The following STK4 variants were observed in gnomAD, a reference collection of about 807,000 sequenced individuals.
STK4 encodes serine/threonine-protein kinase 4.
A neutral mutation model predicts 64.9 loss-of-function variants in STK4; 30 were observed. That is an observed-to-expected ratio of 0.46 (90% CI 0.35 to 0.63). STK4 has a LOEUF of 0.63. Among genes scored for constraint, STK4 ranks in the 20% least tolerant of loss-of-function variants. The pLI is 0.01. For missense variants in STK4, 466 were observed against 598.5 expected (o/e 0.78, Z 2.31); for synonymous variants, 177 against 199.0 (o/e 0.89, Z 0.93).
intron 5 of STK4, among the ~76,000 whole-genome samples, chr20:44,990,957 G>A (rs1299348204): frequency 5.3e-5 from 8 of 152,154 alleles, no homozygotes; most frequent in Non-Finnish European, 1.2e-4. Flanking sequence ...ACTGACTGAG[G>A]ATTCCATCTG....
chr20:45,036,925 A>G (rs1489515140), intron 10 of STK4, among the ~76,000 whole-genome samples: 1 of 152,192 alleles, frequency 6.6e-6, no homozygotes, highest in East Asian at 1.9e-4. Context: ...GTTGTATACA[A>G]TAAATATGTA....
chr20:44,977,342 G>C (rs1429282072), intron 2 of STK4, among the ~76,000 whole-genome samples: 1 of 152,132 alleles, frequency 6.6e-6, no homozygotes, highest in African/African-American at 2.4e-5. Flanking sequence ...TTGGCAGTTA[G>C]AGTATTGTAC....
At chr20:45,059,705 A>G (rs1394312116) in intron 10 of STK4, among the ~76,000 whole-genome samples, 1 of 152,206 alleles carries the variant, frequency 6.6e-6, no homozygotes, top group Non-Finnish European at 1.5e-5. Flanking sequence ...ACTACAGATA[A>G]GGGGGAATAT....
At position 45,000,424 on chromosome 20, in the gene STK4, A is replaced by G; in HGVS notation, c.864A>G (p.Ser288=). ...TTGTCAGGAGTGCCAAAGGAGTGTC[A>G]ATACTGCGAGACTTAATTAATGAAG... ...HPFVRSAKGV[S]ILRDLINEAM... The change falls in exon 8 of 11, where the codon TCA becomes TCG. Residue 288 remains serine, a synonymous_variant. Transcript: ENST00000372806. 6.2e-7 allele frequency: 1 copy of G among 1,614,084 alleles called. No homozygotes were observed. Among genetic ancestry groups the G allele is most frequent in the South Asian group, 1.1e-5 (1 of 91,078 alleles).
chr20:44,990,380 C>T (rs2067609581), intron 5 of STK4, among the ~76,000 whole-genome samples: 1 of 149,732 alleles, frequency 6.7e-6, no homozygotes, highest in African/African-American at 2.4e-5. Context: ...TATCTTGTGT[C>T]CTGGCACCTT....
intron 1 of STK4, chr20:44,967,063 T>C (rs1054683387): frequency 8.1e-5 from 67 of 824,302 alleles, no homozygotes; most frequent in Non-Finnish European, 9.4e-5. Context: ...TGGGGGGATC[T>C]GTGGAGGGGA....
chr20:45,011,856 CT>C (rs1472050028), intron 9 of STK4, among the ~76,000 whole-genome samples: 1 of 149,974 alleles, frequency 6.7e-6, no homozygotes, highest in Non-Finnish European at 1.5e-5. Flanking sequence ...ACAATATGAG[CT>C]CTAGTAGTCT....
chr20:45,016,139 G>C lies in STK4; in HGVS notation c.1148-8834G>C, dbSNP rs569301683. ...TGCCGAGAAGAGAGAGGGAGGCTCT[G>C]TGTGGTTTGTGTCTGTGTGTGTCTG... On this transcript the variant is annotated intron_variant, in intron 9 of 10. Transcript: ENST00000372806. 4.6e-5 allele frequency among the ~76,000 whole-genome samples: 7 copies of C among 152,314 alleles called. No homozygotes were observed. In the South Asian group the frequency reaches 1.2e-3, roughly 27 times the overall value.
At chr20:45,030,107 CT>C (rs34694436) in intron 10 of STK4, among the ~76,000 whole-genome samples, 4,176 of 140,304 alleles carry the variant, frequency 0.03, 156 homozygotes, top group African/African-American at 0.093. Flanking sequence ...CTCACAGTTG[CT>C]TTTTTTTTTT....
chr20:44,977,611 A>G (rs541225039), intron 2 of STK4, among the ~76,000 whole-genome samples: 1 of 152,312 alleles, frequency 6.6e-6, no homozygotes, highest in South Asian at 2.1e-4. Context: ...AGGTACAACA[A>G]GGTTAATAAG....
chr20:44,980,651 C>G (rs1486433172), intron 3 of STK4, among the ~76,000 whole-genome samples: 2 of 152,064 alleles, frequency 1.3e-5, no homozygotes, highest in Non-Finnish European at 2.9e-5. Flanking sequence ...ATCACTTTTC[C>G]CTTTGGAGAA....
chr20:44,967,359 ACTGAACC>A (rs1302006607), intron 1 of STK4: 1 of 454,604 alleles, frequency 2.2e-6, no homozygotes, highest in African/African-American at 2.1e-5. Context: ...ACTCCGGGTC[ACTGAACC>A]CTGCCAGTCT....
rs1460859084 is a variant in STK4, at chr20:45,000,509, G to A, written c.949G>A (p.Glu317Lys). 6.2e-7 allele frequency: 1 copy of A among 1,613,982 alleles called. No homozygotes were observed. Among genetic ancestry groups the A allele is most frequent in the East Asian group, 2.2e-5 (1 of 44,884 alleles). Residue 317 changes from glutamate (E) to lysine (K), a missense_variant, in exon 8 of 11, where the codon GAA (glutamate) becomes AAA (lysine). By Grantham distance (56) the Glu-to-Lys change is moderately conservative (BLOSUM62 1). Coordinates refer to ENST00000372806, the MANE Select transcript of STK4 (RefSeq NM_006282.5). Reference sequence around the variant, plus strand: ...GCAGCGGGAAGTGGACCAGGACGATGAAGAAAACTCAGTGAGTGGCAGCCG... The same window carrying A: ...GCAGCGGGAAGTGGACCAGGACGATAAAGAAAACTCAGTGAGTGGCAGCCG... ...SQQREVDQDD[E>K]ENSEEDEMDS...
At chr20:45,039,186 G>A (rs1251194984) in intron 10 of STK4, among the ~76,000 whole-genome samples, 1 of 152,022 alleles carries the variant, frequency 6.6e-6, no homozygotes, top group African/African-American at 2.4e-5. Flanking sequence ...AAAATTCATT[G>A]ATGTTTTAAA....
At chr20:44,972,023 G>T in intron 1 of STK4, 55 bp from the exon 2 acceptor site, 1 of 1,499,882 alleles carries the variant, frequency 6.7e-7, no homozygotes, top group Non-Finnish European at 9.3e-7. Flanking sequence ...TATATTTTAT[G>T]TTCTAGTTCC....
intron 1 of STK4, among the ~76,000 whole-genome samples, chr20:44,967,699 A>G (rs201251801): frequency 2.0e-5 from 3 of 152,248 alleles, no homozygotes; most frequent in East Asian, 3.9e-4. Flanking sequence ...AGAGGTGAAG[A>G]GAAGGGATTG....
At chr20:45,064,628 A>C (rs1979409074) in intron 10 of STK4, among the ~76,000 whole-genome samples, 1 of 151,828 alleles carries the variant, frequency 6.6e-6, no homozygotes, top group African/African-American at 2.4e-5. Flanking sequence ...ATAATTCTTT[A>C]AGTAGAGATC....
chr20:44,966,556 T>A lies in STK4; in HGVS notation c.-13T>A, dbSNP rs981160585. The A allele has an allele frequency of 7.9e-7, 1 of 1,266,524 alleles. No homozygotes were observed. The highest frequency in any genetic ancestry group is 1.0e-6 in the Non-Finnish European group (1 of 996,326). 78.5% of individuals were successfully genotyped at this position (1,266,524 alleles called of 1,614,324 possible). A position where few individuals can be genotyped will look rare whatever the true frequency, so the allele number is the denominator to read the frequency against. On this transcript the variant is annotated 5_prime_UTR_variant, in exon 1 of 11. Coordinates refer to ENST00000372806, the MANE Select transcript of STK4 (RefSeq NM_006282.5). ...GGAGCAGTGAGCGGGTCTGGGCGGC[T>A]GCTGGCAGCGCCATGGAGACGGTAC...
chr20:45,016,828 A>T (rs2068150770), intron 9 of STK4, among the ~76,000 whole-genome samples: 1 of 152,246 alleles, frequency 6.6e-6, no homozygotes. Context: ...GGTAATGAAG[A>T]ACATAGGAAA....
Sources: allele counts gnomAD v4.1 joint callset (sites outside exome capture counted in the v4.1 genomes callset), GRCh38; gene constraint gnomAD v4.1.1; transcripts MANE v1.5; gene names NCBI Gene and HGNC (gene_info 2026-07-23, HGNC 2026-07-21).